Variants in PTGFRN observed in about 807,000 individuals in gnomAD.
PTGFRN encodes the protein prostaglandin F2 receptor negative regulator.
In PTGFRN, 35 loss-of-function variants were observed where a neutral mutation model predicts 83.2. The ratio of observed to expected loss-of-function variants is 0.42; its 90% CI spans 0.32 to 0.56. The LOEUF is 0.56. Among genes scored for constraint, PTGFRN ranks in the 20% least tolerant of loss-of-function variants. The pLI is 0.11. For missense variants in PTGFRN, 1,051 were observed against 1,179.5 expected (o/e 0.89, Z 1.60); for synonymous variants, 519 against 498.6 (o/e 1.04, Z -0.55).
rs1433229453 is a variant in PTGFRN, at chr1:116,961,929, G to A, written c.1639+261G>A. ...TGTTTCCTGAACTTTACCTCTGAAT[G>A]TTTCTTTTCTCTTTCTTGCATTAAA... On this transcript the variant is annotated intron_variant, in intron 5 of 8. Transcript: ENST00000393203. This position sits in a 1 kb window ranked among gnomAD's most constrained non-coding sequence, Gnocchi z 5.4. Among the ~76,000 whole-genome samples, 2 of 151,724 alleles carry A rather than the reference G, an allele frequency of 1.3e-5. No homozygotes were observed. Among genetic ancestry groups the A allele is most frequent in the Non-Finnish European group, 2.9e-5 (2 of 67,926 alleles).
chr1:116,972,127 C>CT (rs1304920203), intron 6 of PTGFRN, among the ~76,000 whole-genome samples: 1 of 152,208 alleles, frequency 6.6e-6, no homozygotes, highest in Non-Finnish European at 1.5e-5. Flanking sequence ...AATCCTGCCC[C>CT]ACCTCACTGC....
chr1:116,974,841 C>T (rs554502710), intron 7 of PTGFRN, among the ~76,000 whole-genome samples: 10 of 152,246 alleles, frequency 6.6e-5, no homozygotes, highest in African/African-American at 1.7e-4. Context: ...ACTGAGGTAT[C>T]GGGTTCATCT....
intron 1 of PTGFRN, among the ~76,000 whole-genome samples, chr1:116,930,063 C>T (rs759934239): frequency 3.3e-5 from 5 of 152,136 alleles, no homozygotes; most frequent in Non-Finnish European, 7.4e-5. Flanking sequence ...TCATTTTTTT[C>T]AAACAAAGGC....
intron 3 of PTGFRN, among the ~76,000 whole-genome samples, 170 bp downstream of exon 3, chr1:116,945,262 G>A (rs10923173): frequency 0.63 from 96,489 of 152,018 alleles, 31,531 homozygotes; most frequent in East Asian, 0.81. Context: ...GGTTGGAGGT[G>A]GGCGGGGTTA....
At chr1:116,974,790 A>T (rs1651098854) in intron 7 of PTGFRN, among the ~76,000 whole-genome samples, 1 of 152,222 alleles carries the variant, frequency 6.6e-6, no homozygotes, top group South Asian at 2.1e-4. Flanking sequence ...TACAGCTCCC[A>T]GCGTGAGCGA....
chr1:116,910,426 G>A (rs1435856498), intron 1 of PTGFRN, among the ~76,000 whole-genome samples, 174 bp downstream of exon 1: 2 of 150,476 alleles, frequency 1.3e-5, no homozygotes, highest in East Asian at 3.9e-4. Flanking sequence ...CCGCGGGGCC[G>A]CCCGGAGCCT....
intron 1 of PTGFRN, among the ~76,000 whole-genome samples, chr1:116,927,007 C>T (rs1340684969): frequency 1.3e-5 from 2 of 152,130 alleles, no homozygotes; most frequent in Non-Finnish European, 2.9e-5. Flanking sequence ...GAAGGGTAAT[C>T]ACTTAGCCCC....
intron 2 of PTGFRN, 151 bp downstream of exon 2, chr1:116,942,234 A>T (rs1304996616): frequency 8.3e-7 from 1 of 1,207,358 alleles, no homozygotes; most frequent in African/African-American, 1.5e-5. Context: ...ATCATGTCTT[A>T]AAATTTAAAA....
intron 3 of PTGFRN, among the ~76,000 whole-genome samples, chr1:116,947,441 C>G (rs1650229627): frequency 6.6e-6 from 1 of 152,226 alleles, no homozygotes; most frequent in Non-Finnish European, 1.5e-5. Flanking sequence ...CTACTCCATC[C>G]TGTCTCTCAG....
intron 4 of PTGFRN, among the ~76,000 whole-genome samples, chr1:116,955,627 A>G (rs533197034): frequency 3.5e-4 from 53 of 152,344 alleles, no homozygotes; most frequent in African/African-American, 1.2e-3. Flanking sequence ...TGATTTCTTG[A>G]TGAGATCAAG....
At chr1:116,959,292 C>G (rs1650579677) in intron 4 of PTGFRN, among the ~76,000 whole-genome samples, 1 of 152,154 alleles carries the variant, frequency 6.6e-6, no homozygotes. Flanking sequence ...GTGGATTCCT[C>G]TCTAGCCCTG....
chr1:116,966,020 T>C (rs1301536871), intron 5 of PTGFRN, among the ~76,000 whole-genome samples: 1 of 152,188 alleles, frequency 6.6e-6, no homozygotes, highest in East Asian at 1.9e-4. Context: ...TTCCAAAAAA[T>C]CTAACGTAAA....
At chr1:116,955,126 G>A (rs1650451276) in intron 4 of PTGFRN, among the ~76,000 whole-genome samples, 1 of 152,174 alleles carries the variant, frequency 6.6e-6, no homozygotes, top group East Asian at 1.9e-4. Flanking sequence ...TGACAAAGGA[G>A]TCTAATGAGC....
rs1649470459 is a variant in PTGFRN, at chr1:116,918,840, G to A, written c.49+8588G>A. ...CCATGGAATGAGAGTGGAAGGATGAGTGATAAAGGAACCGAGGGAACTGAT... is the reference window on the plus strand; with the variant it reads ...CCATGGAATGAGAGTGGAAGGATGAATGATAAAGGAACCGAGGGAACTGAT... On this transcript the variant is annotated intron_variant, in intron 1 of 8. Coordinates refer to ENST00000393203, the MANE Select transcript of PTGFRN (RefSeq NM_020440.4). This position sits in a 1 kb window ranked among gnomAD's most constrained non-coding sequence, Gnocchi z 4.1. 6.6e-6 allele frequency among the ~76,000 whole-genome samples: 1 copy of A among 152,232 alleles called. No homozygotes were observed. Among genetic ancestry groups the A allele is most frequent in the Admixed American group, 6.5e-5 (1 of 15,286 alleles).
intron 1 of PTGFRN, among the ~76,000 whole-genome samples, chr1:116,931,934 T>C (rs1365579661): frequency 6.6e-6 from 1 of 152,200 alleles, no homozygotes; most frequent in Non-Finnish European, 1.5e-5. Context: ...ATAACCTCTT[T>C]AGTTTCAGCA....
intron 4 of PTGFRN, among the ~76,000 whole-genome samples, chr1:116,960,473 G>GTTTCC (rs1650620021): frequency 6.6e-6 from 1 of 152,162 alleles, no homozygotes; most frequent in African/African-American, 2.4e-5. Flanking sequence ...AAACAGGACC[G>GTTTCC]TGGCAGAGGC....
At chr1:116,931,731 T>C (rs1649808605) in intron 1 of PTGFRN, among the ~76,000 whole-genome samples, 1 of 152,160 alleles carries the variant, frequency 6.6e-6, no homozygotes, top group East Asian at 1.9e-4. Context: ...AGGTTTTTCA[T>C]TTGTTGAGTC....
rs1651058045 is a variant in PTGFRN at position 116,973,361 on chromosome 1, A to G, written c.2060-855A>G. Among the ~76,000 whole-genome samples the G allele has an allele frequency of 3.3e-5, 5 of 152,256 alleles. 1 individual carries two copies. The South Asian group carries it at 1.0e-3, about 32-fold the overall frequency. ...TAAAGGCATATCCACCTGTAATCTC[A>G]GCACTTTGGGAGGCGGGCAGATCAC... On this transcript the variant is annotated intron_variant, in intron 6 of 8. Coordinates refer to ENST00000393203, the MANE Select transcript of PTGFRN (RefSeq NM_020440.4).
chr1:116,931,721 A>T (rs748898187), intron 1 of PTGFRN, among the ~76,000 whole-genome samples: 2 of 152,116 alleles, frequency 1.3e-5, no homozygotes, highest in South Asian at 2.1e-4. Context: ...GAGGAGACAA[A>T]GGTTTTTCAT....
Sources: gnomAD v4.1 joint callset for allele counts (sites outside exome capture counted in the v4.1 genomes callset) on GRCh38, gnomAD v4.1.1 for gene constraint, Gnocchi (gnomAD v3.1) non-coding constraint, MANE v1.5 for transcripts, NCBI Gene and HGNC (gene_info 2026-07-23, HGNC 2026-07-21) for gene names.